BCAS3: variants seen among roughly 807,000 people sequenced by gnomAD.
BCAS3 encodes the protein BCAS3 microtubule associated cell migration factor.
In BCAS3, 53 loss-of-function variants were observed where a neutral mutation model predicts 116.1. The ratio of observed to expected loss-of-function variants is 0.46; its 90% CI spans 0.37 to 0.57. The LOEUF (loss-of-function observed/expected upper bound fraction) is 0.57. Ranked by LOEUF, BCAS3 falls within the 20% of genes least tolerant of loss-of-function variation. The pLI is 0.00. For missense variants in BCAS3, 917 were observed against 1,165.4 expected (o/e 0.79, Z 3.10); for synonymous variants, 391 against 408.2 (o/e 0.96, Z 0.51).
intron 5 of BCAS3, among the ~76,000 whole-genome samples, chr17:60,723,911 G>A (rs1353519057): frequency 1.3e-5 from 2 of 150,094 alleles, no homozygotes; most frequent in Admixed American, 6.6e-5. Flanking sequence ...TAGTAGAGAC[G>A]GGGTTTCACC....
chr17:60,873,505 G>T (rs904311887), intron 8 of BCAS3, among the ~76,000 whole-genome samples: 7 of 152,032 alleles, frequency 4.6e-5, no homozygotes, highest in African/African-American at 1.7e-4. Flanking sequence ...ATTTTTTGAA[G>T]TAAATATTAA....
rs1037441381 is a variant in BCAS3 at position 61,355,813 on chromosome 17, G to A, written c.2426-12514G>A. On this transcript the variant is annotated intron_variant, in intron 22 of 23. Transcript: ENST00000407086. The surrounding 1 kb of genome is among the most constrained non-coding windows in gnomAD (Gnocchi z 4.2). ...CTGTCCTAGAAAACCCAGTTTGTATGCTTGCTGTCTTGAGAGATTCAGTTC... is the reference window on the plus strand; with the variant it reads ...CTGTCCTAGAAAACCCAGTTTGTATACTTGCTGTCTTGAGAGATTCAGTTC... Among the ~76,000 whole-genome samples the A allele has an allele frequency of 6.6e-6, 1 of 152,170 alleles. No homozygotes were observed. The highest frequency in any genetic ancestry group is 2.1e-4 in the South Asian group (1 of 4,832).
intron 14 of BCAS3, among the ~76,000 whole-genome samples, chr17:60,949,164 C>T (rs73322734): frequency 0.19 from 29,564 of 152,048 alleles, 3,279 homozygotes; most frequent in African/African-American, 0.32. Context: ...CGTGAGCCAC[C>T]GCGCCCAGCC....
intron 19 of BCAS3, among the ~76,000 whole-genome samples, chr17:61,069,692 G>A (rs534776872): frequency 2.0e-5 from 3 of 152,104 alleles, no homozygotes; most frequent in South Asian, 4.2e-4. Flanking sequence ...ACAAAAATTA[G>A]CCAGGCATGG....
chr17:61,202,962 G>T (rs979407465), intron 22 of BCAS3, among the ~76,000 whole-genome samples: 1 of 152,128 alleles, frequency 6.6e-6, no homozygotes, highest in Non-Finnish European at 1.5e-5. Context: ...TAGTATCAGC[G>T]CAGTGATGAA....
intron 22 of BCAS3, among the ~76,000 whole-genome samples, chr17:61,085,159 T>G (rs2072980485): frequency 1.3e-5 from 2 of 152,198 alleles, no homozygotes; most frequent in Non-Finnish European, 2.9e-5. Flanking sequence ...ATAAAACTTT[T>G]CAGCCAGGCC....
rs1244364326 is a variant in BCAS3, at chr17:61,038,668, GTT to G, written c.1928+632_1928+633del. 4.2e-3 allele frequency among the ~76,000 whole-genome samples: 474 copies of G among 113,908 alleles called. 3 individuals carry two copies. Among genetic ancestry groups the G allele is most frequent in the African/African-American group, 0.014 (451 of 31,976 alleles). The allele number at this position is 113,908 out of a possible 152,430, so 74.7% of individuals were successfully genotyped here. On this transcript the variant is annotated intron_variant, in intron 18 of 23. Transcript: ENST00000407086. Reference sequence around the variant, plus strand: ...TTTTTTTTGTTTTGTTTTTGTTTTTGTTTTTTTTTTTTTTTTTTTGGAGACAG... The same window carrying G: ...TTTTTTTTGTTTTGTTTTTGTTTTTGTTTTTTTTTTTTTTTTTGGAGACAG...
chr17:61,177,102 G>A (rs2079193073), intron 22 of BCAS3, among the ~76,000 whole-genome samples: 1 of 152,146 alleles, frequency 6.6e-6, no homozygotes, highest in South Asian at 2.1e-4. Flanking sequence ...CATTGCTTTT[G>A]GAAATAGAAA....
At chr17:61,148,013 A>G (rs1555743231) in intron 22 of BCAS3, among the ~76,000 whole-genome samples, 1 of 151,960 alleles carries the variant, frequency 6.6e-6, no homozygotes, top group Non-Finnish European at 1.5e-5. Flanking sequence ...AAAGAAATGT[A>G]TAAGTTGGTT....
intron 14 of BCAS3, among the ~76,000 whole-genome samples, chr17:60,955,645 C>T (rs1246307078): frequency 1.3e-5 from 2 of 152,046 alleles, no homozygotes; most frequent in Non-Finnish European, 2.9e-5. Flanking sequence ...TGGCCTCCCA[C>T]AGTGCCAGGA....
chr17:60,702,782 G>A (rs1048517771), intron 4 of BCAS3, among the ~76,000 whole-genome samples: 44 of 151,726 alleles, frequency 2.9e-4, no homozygotes, highest in African/African-American at 9.4e-4. Context: ...GTAGAGATGG[G>A]GTTTTGCCAT....
At chr17:61,154,620 T>G (rs551455387) in intron 22 of BCAS3, among the ~76,000 whole-genome samples, 1 of 152,030 alleles carries the variant, frequency 6.6e-6, no homozygotes, top group East Asian at 1.9e-4. Context: ...CTTTTTATTT[T>G]TTTCTATAGA....
intron 7 of BCAS3, among the ~76,000 whole-genome samples, chr17:60,813,585 A>G (rs2049046829): frequency 6.6e-6 from 1 of 152,242 alleles, no homozygotes; most frequent in Non-Finnish European, 1.5e-5. Flanking sequence ...CACTACAGAT[A>G]TTCACAAACT....
intron 22 of BCAS3, among the ~76,000 whole-genome samples, chr17:61,345,707 G>C (rs953813321): frequency 6.6e-6 from 1 of 152,070 alleles, no homozygotes; most frequent in African/African-American, 2.4e-5. Flanking sequence ...GGGACTTTAC[G>C]GTGGACTTAG....
chr17:61,072,663 C>T (rs1277520032), intron 19 of BCAS3, among the ~76,000 whole-genome samples: 4 of 145,086 alleles, frequency 2.8e-5, no homozygotes, highest in South Asian at 2.1e-4. Flanking sequence ...TCATATTACT[C>T]GAGCTTTATT....
intron 6 of BCAS3, among the ~76,000 whole-genome samples, chr17:60,793,219 C>T (rs2046927729): frequency 6.6e-6 from 1 of 152,146 alleles, no homozygotes; most frequent in Admixed American, 6.5e-5. Flanking sequence ...GCCTCAGCCT[C>T]CCGAGTAGCT....
At chr17:60,849,375 T>C (rs1024410849) in intron 7 of BCAS3, among the ~76,000 whole-genome samples, 5 of 152,174 alleles carry the variant, frequency 3.3e-5, no homozygotes, top group African/African-American at 1.2e-4. Context: ...TTCAGTTTTC[T>C]GCATGAACTA....
intron 15 of BCAS3, 24 bp from the exon 16 acceptor site, chr17:61,015,727 T>C: frequency 6.2e-7 from 1 of 1,612,866 alleles, no homozygotes; most frequent in Admixed American, 1.7e-5. Flanking sequence ...TCAGTGATGC[T>C]TTTCTTTATT....
rs765977234 is a variant in BCAS3 at position 61,220,441 on chromosome 17, T to G, written c.2425+135877T>G. ...AGTTTACAGTTAATTAATGCTACTT[T>G]GTCAACTTGGTTCCATTATTTGATC... On this transcript the variant is annotated intron_variant, in intron 22 of 23. Coordinates refer to ENST00000407086, the MANE Select transcript of BCAS3 (RefSeq NM_017679.5). The surrounding 1 kb of genome is among the most constrained non-coding windows in gnomAD (Gnocchi z 4.5). Among the ~76,000 whole-genome samples, 2 of 152,250 alleles carry G rather than the reference T, an allele frequency of 1.3e-5. No homozygotes were observed. Among genetic ancestry groups the G allele is most frequent in the Non-Finnish European group, 2.9e-5 (2 of 68,044 alleles).
Sources: allele counts gnomAD v4.1 joint callset (sites outside exome capture counted in the v4.1 genomes callset), GRCh38; gene constraint gnomAD v4.1.1; non-coding constraint Gnocchi (gnomAD v3.1); transcripts MANE v1.5; gene names NCBI Gene and HGNC (gene_info 2026-07-23, HGNC 2026-07-21).